Variants in CSMD1 observed in about 807,000 individuals in gnomAD.
CSMD1 encodes the protein CUB and Sushi multiple domains 1.
CSMD1 carries 213 observed loss-of-function variants against 417.5 expected under a neutral mutation model. The ratio of observed to expected loss-of-function variants is 0.51; its 90% CI spans 0.46 to 0.57. The LOEUF is 0.57. Ranked by LOEUF, CSMD1 falls within the 20% of genes least tolerant of loss-of-function variation. CSMD1 has a pLI of 0.00. For missense variants in CSMD1, 6,923 were observed against 4,529.7 expected (o/e 1.53, Z -15.17); for synonymous variants, 2,862 against 1,736.8 (o/e 1.65, Z -16.11).
intron 42 of CSMD1, among the ~76,000 whole-genome samples, chr8:3,110,847 T>C (rs555911434): frequency 3.2e-4 from 49 of 152,346 alleles, no homozygotes; most frequent in African/African-American, 1.1e-3. Context: ...TGTAAGATTA[T>C]GTAAGTGGTG....
At chr8:3,020,294 C>T (rs1320085552) in intron 51 of CSMD1, among the ~76,000 whole-genome samples, 1 of 152,128 alleles carries the variant, frequency 6.6e-6, no homozygotes, top group African/African-American at 2.4e-5. Flanking sequence ...TCAATTGAAC[C>T]AAAAGTAGAA....
At chr8:3,740,295 G>A (rs1261202121) in intron 6 of CSMD1, among the ~76,000 whole-genome samples, 1 of 152,090 alleles carries the variant, frequency 6.6e-6, no homozygotes, top group African/African-American at 2.4e-5. Context: ...TAGTACAGAT[G>A]GGGTTTGACC....
intron 7 of CSMD1, among the ~76,000 whole-genome samples, chr8:3,646,877 C>G (rs1489706476): frequency 3.3e-5 from 5 of 152,136 alleles, no homozygotes; most frequent in Non-Finnish European, 7.4e-5. Flanking sequence ...TCACACGAGC[C>G]TGTTCCTCTA....
chr8:3,377,586 A>G (rs1810391430), intron 18 of CSMD1, among the ~76,000 whole-genome samples: 1 of 152,098 alleles, frequency 6.6e-6, no homozygotes, highest in Non-Finnish European at 1.5e-5. Flanking sequence ...CGTTTCTCCT[A>G]AATCATTTTC....
At chr8:3,010,817 C>G (rs1808328283) in intron 52 of CSMD1, among the ~76,000 whole-genome samples, 1 of 150,720 alleles carries the variant, frequency 6.6e-6, no homozygotes, top group Admixed American at 6.6e-5. Context: ...GATCTCGGCT[C>G]ACTGCAACCT....
chr8:3,834,726 C>T (rs190762772), intron 5 of CSMD1, among the ~76,000 whole-genome samples: 9 of 151,978 alleles, frequency 5.9e-5, no homozygotes, highest in African/African-American at 1.2e-4. Context: ...GAAATTTGGA[C>T]GGCTCCATTC....
At chr8:4,386,333 T>C (rs963556542) in intron 3 of CSMD1, among the ~76,000 whole-genome samples, 1 of 148,668 alleles carries the variant, frequency 6.7e-6, no homozygotes, top group Non-Finnish European at 1.5e-5. Context: ...CCTTCCGTCC[T>C]CGGTTATGAC....
At chr8:3,255,710 A>G (rs1025118497) in intron 26 of CSMD1, among the ~76,000 whole-genome samples, 1 of 152,086 alleles carries the variant, frequency 6.6e-6, no homozygotes, top group Non-Finnish European at 1.5e-5. Context: ...TGCTAAGCCC[A>G]TTGGGAAAGT....
chr8:4,143,589 T>A (rs1803928301), intron 3 of CSMD1, among the ~76,000 whole-genome samples: 1 of 151,132 alleles, frequency 6.6e-6, no homozygotes, highest in African/African-American at 2.5e-5. Context: ...TCAACCCCTT[T>A]AACTAGTTGT....
intron 5 of CSMD1, among the ~76,000 whole-genome samples, chr8:3,866,833 A>G (rs1475876089): frequency 4.6e-5 from 7 of 152,274 alleles, no homozygotes; most frequent in African/African-American, 1.7e-4. Context: ...AATCGGTATT[A>G]ATCAACTAAA....
At chr8:4,093,283 A>T (rs1027867377) in intron 3 of CSMD1, among the ~76,000 whole-genome samples, 43 of 152,230 alleles carry the variant, frequency 2.8e-4, no homozygotes, top group African/African-American at 8.2e-4. Context: ...ATAAAAAATA[A>T]TTTATCCTAT....
chr8:4,453,491 C>T (rs1374070482), intron 2 of CSMD1, among the ~76,000 whole-genome samples: 3 of 152,198 alleles, frequency 2.0e-5, no homozygotes, highest in African/African-American at 7.2e-5. Flanking sequence ...AATTCAAAGC[C>T]ATGCATCCTT....
chr8:3,557,616 T>C (rs932471410), intron 10 of CSMD1, among the ~76,000 whole-genome samples: 5 of 152,184 alleles, frequency 3.3e-5, no homozygotes, highest in African/African-American at 1.2e-4. Flanking sequence ...AGGCTTTCTT[T>C]CCTCTGCTTT....
chr8:4,080,493 T>C (rs1266320095), intron 3 of CSMD1, among the ~76,000 whole-genome samples: 1 of 152,212 alleles, frequency 6.6e-6, no homozygotes, highest in Non-Finnish European at 1.5e-5. Context: ...GGTTCCAAAT[T>C]TCTTACTTGC....
intron 45 of CSMD1, among the ~76,000 whole-genome samples, chr8:3,107,395 T>C (rs1202576867): frequency 6.6e-6 from 1 of 152,160 alleles, no homozygotes; most frequent in African/African-American, 2.4e-5. Context: ...AGCAAATATC[T>C]GCCCAAGTCT....
intron 5 of CSMD1, among the ~76,000 whole-genome samples, chr8:3,837,961 T>G (rs1585069708): frequency 6.6e-6 from 1 of 152,136 alleles, no homozygotes; most frequent in Admixed American, 6.6e-5. Context: ...TTTCTTATTT[T>G]TCATGAGTTG....
At chr8:3,203,733 T>C (rs559415700) in intron 31 of CSMD1, among the ~76,000 whole-genome samples, 2 of 152,360 alleles carry the variant, frequency 1.3e-5, no homozygotes, top group Admixed American at 6.5e-5. Flanking sequence ...TTTATCACGA[T>C]ACTAACATGC....
intron 1 of CSMD1, among the ~76,000 whole-genome samples, chr8:4,786,082 T>C (rs1000192553): frequency 6.6e-6 from 1 of 151,864 alleles, no homozygotes; most frequent in African/African-American, 2.4e-5. Flanking sequence ...ATAAAATGGC[T>C]ACTGTGCAGA....
intron 16 of CSMD1, among the ~76,000 whole-genome samples, chr8:3,398,718 C>A (rs559207853): frequency 6.6e-6 from 1 of 152,190 alleles, no homozygotes; most frequent in East Asian, 1.9e-4. Flanking sequence ...ATGACAAAAT[C>A]TTTTTAGTTT....
Sources: gnomAD v4.1 joint callset for allele counts (sites outside exome capture counted in the v4.1 genomes callset) on GRCh38, gnomAD v4.1.1 for gene constraint, MANE v1.5 for transcripts, NCBI Gene and HGNC (gene_info 2026-07-23, HGNC 2026-07-21) for gene names.